CAST: variants seen among roughly 807,000 people sequenced by gnomAD.
The protein encoded by CAST is MIR583 host.
A neutral mutation model predicts 119.6 loss-of-function variants in CAST; 76 were observed. The ratio of observed to expected loss-of-function variants is 0.64; its 90% CI spans 0.53 to 0.77. The LOEUF is 0.77. CAST is among the 30% of genes least tolerant of loss of function. The probability of loss-of-function intolerance (pLI) is 0.00; values close to 1 mark genes in which losing one functional copy is unlikely to be tolerated. For synonymous variants in CAST, 319 were observed against 331.6 expected, an observed-to-expected ratio of 0.96 and a Z score of 0.41; for missense variants, 953 against 946.5, an observed-to-expected ratio of 1.01 and a Z score of -0.09.
the CAST span, among the ~76,000 whole-genome samples, chr5:96,517,210 A>T: frequency 6.6e-6 from 1 of 150,982 alleles, no homozygotes; most frequent in South Asian, 2.1e-4. Flanking sequence ...ATGTTTAAGT[A>T]CTAATTACAT....
chr5:96,002,450 C>T, the CAST span, among the ~76,000 whole-genome samples: 79 of 152,310 alleles, frequency 5.2e-4, no homozygotes, highest in East Asian at 0.013. Flanking sequence ...ATGGCTGCTC[C>T]AGTCTTAGCT....
At chr5:95,974,030 C>T in the CAST span, among the ~76,000 whole-genome samples, 3 of 150,734 alleles carry the variant, frequency 2.0e-5, no homozygotes, top group Admixed American at 6.6e-5. Flanking sequence ...CACACACACA[C>T]CCCCACTCAC....
upstream of CAST, among the ~76,000 whole-genome samples, chr5:96,525,939 C>T (rs1446734158): frequency 2.6e-5 from 4 of 152,070 alleles, no homozygotes; most frequent in Non-Finnish European, 5.9e-5. Flanking sequence ...GAACTTTGGT[C>T]CAGAGTGTGG....
At chr5:96,231,538 T>A in the CAST span, among the ~76,000 whole-genome samples, 1 of 152,102 alleles carries the variant, frequency 6.6e-6, no homozygotes, top group Admixed American at 6.6e-5. Flanking sequence ...TATGAGATGA[T>A]GAAAATGTTT....
the CAST span, among the ~76,000 whole-genome samples, chr5:96,456,758 A>G: frequency 1.3e-5 from 2 of 151,658 alleles, no homozygotes; most frequent in African/African-American, 2.4e-5. Flanking sequence ...CCCAAATCTC[A>G]TCTTGAATTG....
intron 20 of CAST, among the ~76,000 whole-genome samples, chr5:96,753,426 G>A (rs780187132): frequency 5.9e-5 from 9 of 152,234 alleles, no homozygotes; most frequent in Non-Finnish European, 1.3e-4. Flanking sequence ...GTTCACCAGT[G>A]TGATTTTAAA....
chr5:96,048,869 A>G, the CAST span, among the ~76,000 whole-genome samples: 1 of 152,192 alleles, frequency 6.6e-6, no homozygotes, highest in African/African-American at 2.4e-5. Flanking sequence ...TATCCAATGG[A>G]AGGGGTGAAG....
the CAST span, among the ~76,000 whole-genome samples, chr5:96,140,846 T>G: frequency 6.6e-6 from 1 of 152,188 alleles, no homozygotes; most frequent in Non-Finnish European, 1.5e-5. Flanking sequence ...AATTTATCCT[T>G]GTTCATCCTG....
chr5:96,530,823 ACT>A (rs1201147161), intron 1 of CAST, among the ~76,000 whole-genome samples: 1 of 152,102 alleles, frequency 6.6e-6, no homozygotes, highest in East Asian at 1.9e-4. Flanking sequence ...AATGGCTCTT[ACT>A]CTGTCTCCCA....
the CAST span, among the ~76,000 whole-genome samples, chr5:96,187,497 T>G: frequency 1.3e-5 from 2 of 152,228 alleles, no homozygotes; most frequent in Non-Finnish European, 2.9e-5. Context: ...ATAAATTTTC[T>G]TCTTAACACT....
At chr5:96,384,664 T>A in the CAST span, among the ~76,000 whole-genome samples, 5 of 152,194 alleles carry the variant, frequency 3.3e-5, no homozygotes, top group African/African-American at 9.6e-5. Flanking sequence ...ATGGGGATTG[T>A]TAGCCTTGCT....
At chr5:96,234,231 C>T in the CAST span, among the ~76,000 whole-genome samples, 1 of 152,260 alleles carries the variant, frequency 6.6e-6, no homozygotes, top group South Asian at 2.1e-4. Flanking sequence ...GAGAGAAAAG[C>T]ATTAGTCTTA....
chr5:95,963,725 C>CTTTTTTTT, the CAST span, among the ~76,000 whole-genome samples: 386 of 129,940 alleles, frequency 3.0e-3, 9 homozygotes, highest in African/African-American at 0.01. Context: ...TTCTCTCTCT[C>CTTTTTTTT]TTTTTTTTTT....
the CAST span, among the ~76,000 whole-genome samples, chr5:96,116,648 A>G: frequency 6.6e-6 from 1 of 152,140 alleles, no homozygotes. Flanking sequence ...GTTTTAATGT[A>G]CATTTTCTTG....
chr5:96,317,326 A>AG, the CAST span, among the ~76,000 whole-genome samples: 3 of 150,720 alleles, frequency 2.0e-5, no homozygotes, highest in Middle Eastern at 6.9e-3. Flanking sequence ...AAAAAAAAAA[A>AG]ATTAGCTGGG....
At chr5:96,315,169 G>C in the CAST span, among the ~76,000 whole-genome samples, 1 of 152,254 alleles carries the variant, frequency 6.6e-6, no homozygotes, top group South Asian at 2.1e-4. Flanking sequence ...ATAAGTAATT[G>C]CTTTAATCAT....
the CAST span, among the ~76,000 whole-genome samples, chr5:96,228,001 C>G: frequency 2.3e-3 from 313 of 136,708 alleles, 1 homozygote; most frequent in African/African-American, 6.4e-3. Flanking sequence ...CTCTTTCTCT[C>G]TCTGTGTGTG....
chr5:96,608,653 A>G (rs1747302619), intron 1 of CAST, among the ~76,000 whole-genome samples: 1 of 152,234 alleles, frequency 6.6e-6, no homozygotes, highest in African/African-American at 2.4e-5. Flanking sequence ...ATATTAGTCC[A>G]TTCTTGCATG....
At chr5:96,579,892 G>A (rs1016085668) in intron 1 of CAST, among the ~76,000 whole-genome samples, 9 of 152,222 alleles carry the variant, frequency 5.9e-5, no homozygotes, top group Non-Finnish European at 1.3e-4. Flanking sequence ...CATCATTGCA[G>A]TAATGATTTT....
Sources: allele counts gnomAD v4.1 joint callset (sites outside exome capture counted in the v4.1 genomes callset), GRCh38; gene constraint gnomAD v4.1.1; transcripts MANE v1.5; gene names NCBI Gene and HGNC (gene_info 2026-07-23, HGNC 2026-07-21).